DPF3: variants seen among roughly 807,000 people sequenced by gnomAD.
DPF3 encodes the protein double PHD fingers 3, also known as zinc finger protein DPF3.
In DPF3, 18 loss-of-function variants were observed where a neutral mutation model predicts 56.8. The observed-to-expected ratio is 0.32, with a 90% CI of 0.22 to 0.47. DPF3 has a LOEUF of 0.47. Among genes scored for constraint, DPF3 ranks in the 20% least tolerant of loss-of-function variants. DPF3 has a pLI of 1.00. For missense variants in DPF3, 403 were observed against 488.8 expected (o/e 0.82, Z 1.65); for synonymous variants, 188 against 180.2 (o/e 1.04, Z -0.35).
At chr14:72,721,837 C>T (rs1039458658) in intron 5 of DPF3, among the ~76,000 whole-genome samples, 1 of 152,132 alleles carries the variant, frequency 6.6e-6, no homozygotes, top group Non-Finnish European at 1.5e-5. Context: ...TGGAGAAAGA[C>T]ATTAAATACC....
At chr14:72,838,908 C>CTATTTATTTT (rs1884428149) in intron 1 of DPF3, among the ~76,000 whole-genome samples, 1 of 78,618 alleles carries the variant, frequency 1.3e-5, no homozygotes, top group Admixed American at 1.6e-4. Flanking sequence ...CATATATATT[C>CTATTTATTTT]TTTTTTTTTT....
chr14:72,757,405 C>T (rs995714822), intron 2 of DPF3, among the ~76,000 whole-genome samples: 2 of 152,076 alleles, frequency 1.3e-5, no homozygotes, highest in African/African-American at 4.8e-5. Flanking sequence ...AATCTATCTC[C>T]CTATAAGTTA....
At position 72,612,991 on chromosome 14, in the gene DPF3, G is replaced by GGTGTGTGT. The variant is rs1211122851; in HGVS notation, c.*6305_*6306insACACACAC. On this transcript the variant is annotated 3_prime_UTR_variant, in exon 11 of 11. Transcript: ENST00000556509. ...AGTTTCCCTTTGGTTCATTAAGTAGGGCGTGTGTGTGTGTGTGTGTGTGTG... is the reference window on the plus strand; with the variant it reads ...AGTTTCCCTTTGGTTCATTAAGTAGGGTGTGTGTGCGTGTGTGTGTGTGTGTGTGTGTG... Among the ~76,000 whole-genome samples, 33 of 71,078 alleles carry GGTGTGTGT rather than the reference G, an allele frequency of 4.6e-4. No individual in the cohort carries two copies. Among genetic ancestry groups the GGTGTGTGT allele is most frequent in the Non-Finnish European group, 5.3e-4 (18 of 33,746 alleles). The allele number at this position is 71,078 out of a possible 152,430, so 46.6% of individuals were successfully genotyped here.
chr14:72,758,379 G>A (rs1429777332), intron 2 of DPF3, among the ~76,000 whole-genome samples: 1 of 152,166 alleles, frequency 6.6e-6, no homozygotes, highest in African/African-American at 2.4e-5. Context: ...ACACAAGGAG[G>A]AGGAATACAG....
chr14:72,635,019 A>G (rs2526920), intron 8 of DPF3, among the ~76,000 whole-genome samples: 90,484 of 152,024 alleles, frequency 0.6, 27,463 homozygotes, highest in East Asian at 0.83. Context: ...CTGCTAGCTT[A>G]TTGAGCTGGG....
intron 1 of DPF3, among the ~76,000 whole-genome samples, chr14:72,880,324 G>C (rs1006296900): frequency 6.6e-6 from 1 of 152,198 alleles, no homozygotes; most frequent in Non-Finnish European, 1.5e-5. Context: ...AAGTCACCCA[G>C]AGCAATTCAC....
At chr14:72,880,701 C>T (rs1379456626) in intron 1 of DPF3, among the ~76,000 whole-genome samples, 2 of 152,102 alleles carry the variant, frequency 1.3e-5, no homozygotes, top group African/African-American at 2.4e-5. Flanking sequence ...TGACTAAAGG[C>T]GCGTGCCACC....
chr14:72,771,962 C>T (rs2139944637), intron 1 of DPF3, 69 bp from the exon 2 acceptor site: 1 of 1,356,606 alleles, frequency 7.4e-7, no homozygotes, highest in Middle Eastern at 1.9e-4. Context: ...GAAACACACC[C>T]AGAGGGAAAC....
At chr14:72,748,097 C>G (rs1890402442) in intron 3 of DPF3, among the ~76,000 whole-genome samples, 1 of 152,198 alleles carries the variant, frequency 6.6e-6, no homozygotes, top group South Asian at 2.1e-4. Context: ...TTGGACGGCT[C>G]AGAAGAAGAC....
intron 1 of DPF3, among the ~76,000 whole-genome samples, chr14:72,866,134 G>A (rs569103349): frequency 7.2e-5 from 11 of 152,280 alleles, no homozygotes; most frequent in African/African-American, 2.6e-4. Context: ...GGGCTTGCCG[G>A]CTTGTTGATT....
rs143270775 is a variant in DPF3, at chr14:72,632,540, T to C, written c.872-2804A>G. Among the ~76,000 whole-genome samples the C allele has an allele frequency of 5.4e-3, 659 of 120,986 alleles. 2 individuals are homozygous for C. Among genetic ancestry groups the C allele is most frequent in the Non-Finnish European group, 8.2e-3 (464 of 56,348 alleles). The allele number at this position is 120,986 out of a possible 152,430, so 79.4% of individuals were successfully genotyped here. Reference sequence around the variant, plus strand: ...TAAGGAAAACAAATAAAAAATTAAATCATCAAAAAGAAAGGAAGGTGGAAG... The same window carrying C: ...TAAGGAAAACAAATAAAAAATTAAACCATCAAAAAGAAAGGAAGGTGGAAG... On this transcript the variant is annotated intron_variant, in intron 8 of 10. Coordinates refer to ENST00000556509, the MANE Select transcript of DPF3 (RefSeq NM_001280542.3).
intron 6 of DPF3, among the ~76,000 whole-genome samples, chr14:72,709,582 G>C (rs150966762): frequency 6.6e-6 from 1 of 152,032 alleles, no homozygotes; most frequent in African/African-American, 2.4e-5. Flanking sequence ...TGCTTTTTCC[G>C]CAGCCTTCAA....
intron 7 of DPF3, among the ~76,000 whole-genome samples, chr14:72,690,442 ACATG>A (rs1430337719): frequency 2.1e-4 from 32 of 152,284 alleles, no homozygotes; most frequent in Admixed American, 7.2e-4. Flanking sequence ...ACACATATGC[ACATG>A]TGCACACACG....
At position 72,796,585 on chromosome 14, in the gene DPF3, T is replaced by A. The variant is rs146671761; in HGVS notation, c.33-24692A>T. ...CATGGGTTAAATAGCATGTAAAACCTTTGGCATGTTGGATTTCTAGAGCAT... is the reference window on the plus strand; with the variant it reads ...CATGGGTTAAATAGCATGTAAAACCATTGGCATGTTGGATTTCTAGAGCAT... On this transcript the variant is annotated intron_variant, in intron 1 of 10. Coordinates refer to ENST00000556509, the MANE Select transcript of DPF3 (RefSeq NM_001280542.3). 3.5e-3 allele frequency among the ~76,000 whole-genome samples: 529 copies of A among 152,338 alleles called. 4 individuals carry two copies. The highest frequency in any genetic ancestry group is 0.012 in the African/African-American group (501 of 41,576).
At chr14:72,625,170 C>T (rs1030649899) in intron 9 of DPF3, among the ~76,000 whole-genome samples, 1 of 152,256 alleles carries the variant, frequency 6.6e-6, no homozygotes, top group Middle Eastern at 3.4e-3. Context: ...GTCCTTATAA[C>T]CATAACTGTG....
intron 1 of DPF3, among the ~76,000 whole-genome samples, chr14:72,781,954 T>C (rs1256310820): frequency 6.6e-6 from 1 of 152,040 alleles, no homozygotes; most frequent in African/African-American, 2.4e-5. Context: ...ATTGAGAAAA[T>C]ATTTTTAGTT....
Position 72,703,469 on chromosome 14 carries a change from C to T in DPF3, c.605-10256G>A, listed in dbSNP as rs115679356. Among the ~76,000 whole-genome samples, 718 of 152,204 alleles carry T rather than the reference C, an allele frequency of 4.7e-3. 7 individuals carry two copies. The highest frequency in any genetic ancestry group is 0.017 in the African/African-American group (690 of 41,502). Reference sequence around the variant, plus strand: ...GAGACAAGCAACCAGACTCTCGTTTCAAAATATTCTATCACCTGATTTCTG... The same window carrying T: ...GAGACAAGCAACCAGACTCTCGTTTTAAAATATTCTATCACCTGATTTCTG... On this transcript the variant is annotated intron_variant, in intron 6 of 10. Coordinates refer to ENST00000556509, the MANE Select transcript of DPF3 (RefSeq NM_001280542.3).
chr14:72,737,206 C>A lies in DPF3; in HGVS notation c.302-5272G>T, dbSNP rs200663033. Among the ~76,000 whole-genome samples the A allele has an allele frequency of 3.4e-3, 498 of 145,166 alleles. 18 individuals carry two copies. The East Asian group carries it at 0.076, about 22-fold the overall frequency. Reference sequence around the variant, plus strand: ...AAATAAAAGCAAAAAAACAAACAAACAAACAAAAAAAACCACACACACACA... The same window carrying A: ...AAATAAAAGCAAAAAAACAAACAAAAAAACAAAAAAAACCACACACACACA... On this transcript the variant is annotated intron_variant, in intron 3 of 10. Coordinates refer to ENST00000556509, the MANE Select transcript of DPF3 (RefSeq NM_001280542.3).
At chr14:72,879,279 A>G (rs1355898035) in intron 1 of DPF3, among the ~76,000 whole-genome samples, 2 of 151,892 alleles carry the variant, frequency 1.3e-5, no homozygotes, top group African/African-American at 4.8e-5. Context: ...GCTACTCAGG[A>G]GGCCGAGATA....
Sources: allele counts gnomAD v4.1 joint callset (sites outside exome capture counted in the v4.1 genomes callset), GRCh38; gene constraint gnomAD v4.1.1; transcripts MANE v1.5; gene names NCBI Gene and HGNC (gene_info 2026-07-23, HGNC 2026-07-21).